PDLIM5: variants seen among roughly 807,000 people sequenced by gnomAD.
PDLIM5 encodes PDZ and LIM domain 5.
A neutral mutation model predicts 64.2 loss-of-function variants in PDLIM5; 34 were observed. That is an observed-to-expected ratio of 0.53 (90% confidence interval 0.40 to 0.71). PDLIM5 has a LOEUF of 0.71. PDLIM5 is among the 30% of genes least tolerant of loss of function. The pLI, the probability that PDLIM5 is intolerant of heterozygous loss-of-function variation, is 0.00. For synonymous variants in PDLIM5, 253 were observed against 269.1 expected, an observed-to-expected ratio of 0.94 and a Z score of 0.59; for missense variants, 683 against 733.6, an observed-to-expected ratio of 0.93 and a Z score of 0.80.
At chr4:94,613,550 A>G (rs181732309) in intron 7 of PDLIM5, among the ~76,000 whole-genome samples, 10 of 152,200 alleles carry the variant, frequency 6.6e-5, no homozygotes, top group Admixed American at 5.9e-4. Context: ...ACTTGTCTCT[A>G]TTTTCAGTTT....
intron 3 of PDLIM5, among the ~76,000 whole-genome samples, chr4:94,538,527 C>T (rs929397694): frequency 1.3e-5 from 2 of 152,122 alleles, no homozygotes; most frequent in Non-Finnish European, 2.9e-5. Context: ...TGGTCTTAAC[C>T]TTTCCACCCT....
chr4:94,664,148 A>G lies in PDLIM5; in HGVS notation c.*81A>G, dbSNP rs961601788. The stretch of plus-strand genomic sequence containing the variant: ...TTACTAATTAATTTTTAGATTCAAT[A>G]TTTATATGGAGTTTTGAAAAATAAT... On this transcript the variant is annotated 3_prime_UTR_variant, in exon 13 of 13. Coordinates refer to ENST00000317968, the MANE Select transcript of PDLIM5 (RefSeq NM_006457.5). 2 of 1,332,352 alleles carry G rather than the reference A, an allele frequency of 1.5e-6. No individual in the cohort carries two copies. Among genetic ancestry groups the G allele is most frequent in the African/African-American group, 3.0e-5 (2 of 66,808 alleles). The allele number at this position is 1,332,352 out of a possible 1,614,324, so 82.5% of individuals were successfully genotyped here. A position where few individuals can be genotyped will look rare whatever the true frequency, so the allele number is the denominator to read the frequency against.
intron 2 of PDLIM5, among the ~76,000 whole-genome samples, chr4:94,466,043 C>A (rs1724337547): frequency 6.6e-6 from 1 of 151,994 alleles, no homozygotes; most frequent in Non-Finnish European, 1.5e-5. Context: ...CTCACTACAT[C>A]CTTGACCTTC....
chr4:94,568,102 T>G (rs1267459196), intron 3 of PDLIM5, among the ~76,000 whole-genome samples: 12 of 152,232 alleles, frequency 7.9e-5, no homozygotes, highest in Non-Finnish European at 1.5e-4. Flanking sequence ...AAAAGAGGCA[T>G]GGTCATGTAG....
chr4:94,651,709 G>T (rs1334019659), intron 9 of PDLIM5, among the ~76,000 whole-genome samples: 2 of 152,136 alleles, frequency 1.3e-5, no homozygotes, highest in Admixed American at 6.5e-5. Flanking sequence ...ATAAAAATAA[G>T]ACTACTGCTG....
At chr4:94,550,161 G>A (rs1036994288) in intron 3 of PDLIM5, among the ~76,000 whole-genome samples, 14 of 151,892 alleles carry the variant, frequency 9.2e-5, no homozygotes, top group African/African-American at 3.4e-4. Flanking sequence ...CATTTTTGTT[G>A]TTTGCTCACT....
chr4:94,503,636 A>G (rs1728127598), intron 2 of PDLIM5, among the ~76,000 whole-genome samples: 1 of 152,196 alleles, frequency 6.6e-6, no homozygotes, highest in Non-Finnish European at 1.5e-5. Context: ...TTGCCAATCA[A>G]ACCATTTAGT....
At chr4:94,587,454 T>G in intron 7 of PDLIM5, 1 of 947,882 alleles carries the variant, frequency 1.1e-6, no homozygotes, top group Non-Finnish European at 1.3e-6. Context: ...CCTTGTCTAA[T>G]TTGGAAAATA....
At chr4:94,617,917 T>A in intron 7 of PDLIM5, 87 bp from the exon 8 acceptor site, 2 of 663,154 alleles carry the variant, frequency 3.0e-6, no homozygotes, top group Non-Finnish European at 4.8e-6. Context: ...TGGATTTTGA[T>A]TGATTAATGG....
intron 2 of PDLIM5, among the ~76,000 whole-genome samples, chr4:94,508,434 A>G (rs1419831166): frequency 6.6e-6 from 1 of 152,238 alleles, no homozygotes; most frequent in Non-Finnish European, 1.5e-5. Flanking sequence ...CTTGGAGGTC[A>G]GAAACTTGGC....
chr4:94,596,654 T>C (rs1279265569), intron 7 of PDLIM5, among the ~76,000 whole-genome samples: 1 of 152,062 alleles, frequency 6.6e-6, no homozygotes, highest in African/African-American at 2.4e-5. Context: ...TTCTAGTTTA[T>C]GTATTTCAGA....
At chr4:94,541,278 C>T (rs1731785776) in intron 3 of PDLIM5, among the ~76,000 whole-genome samples, 1 of 152,234 alleles carries the variant, frequency 6.6e-6, no homozygotes, top group African/African-American at 2.4e-5. Flanking sequence ...TGCCACTGGA[C>T]TGAAAGTTCC....
chr4:94,528,743 G>A (rs930652143), intron 3 of PDLIM5, among the ~76,000 whole-genome samples: 2 of 152,260 alleles, frequency 1.3e-5, no homozygotes. Context: ...TAATAAACAA[G>A]TAAGCAGAAT....
intron 8 of PDLIM5, among the ~76,000 whole-genome samples, chr4:94,621,908 T>C (rs563819900): frequency 6.6e-6 from 1 of 152,304 alleles, no homozygotes; most frequent in South Asian, 2.1e-4. Flanking sequence ...AAAAAGAATG[T>C]TTTCCTGTTG....
At chr4:94,595,735 G>A (rs928949973) in intron 7 of PDLIM5, among the ~76,000 whole-genome samples, 12 of 152,132 alleles carry the variant, frequency 7.9e-5, no homozygotes, top group Non-Finnish European at 1.3e-4. Context: ...CTGGTGTCTT[G>A]TGACATATCC....
chr4:94,545,511 G>T (rs1422054081), intron 3 of PDLIM5, among the ~76,000 whole-genome samples: 1 of 152,184 alleles, frequency 6.6e-6, no homozygotes, highest in Non-Finnish European at 1.5e-5. Context: ...GAGAAAGAAT[G>T]TTGCTCAGAT....
intron 4 of PDLIM5, 57 bp downstream of exon 4, chr4:94,573,450 T>A: frequency 8.1e-7 from 1 of 1,233,822 alleles, no homozygotes; most frequent in African/African-American, 1.5e-5. Flanking sequence ...TGAGCTACTG[T>A]AATTCCCATT....
intron 2 of PDLIM5, among the ~76,000 whole-genome samples, chr4:94,509,122 C>A (rs1728646463): frequency 6.6e-6 from 1 of 152,160 alleles, no homozygotes; most frequent in Admixed American, 6.5e-5. Flanking sequence ...AGCTTGTATA[C>A]ATTTCATCAT....
intron 12 of PDLIM5, among the ~76,000 whole-genome samples, chr4:94,663,605 G>A (rs59097362): frequency 6.6e-6 from 1 of 152,118 alleles, no homozygotes; most frequent in Non-Finnish European, 1.5e-5. Flanking sequence ...AAGCAAATGA[G>A]TCTCTACAAC....
Sources: gnomAD v4.1 joint callset for allele counts (sites outside exome capture counted in the v4.1 genomes callset) on GRCh38, gnomAD v4.1.1 for gene constraint, MANE v1.5 for transcripts, NCBI Gene and HGNC (gene_info 2026-07-23, HGNC 2026-07-21) for gene names.